Variants in LIMS1 observed in about 807,000 individuals in gnomAD.
LIMS1 encodes the protein LIM and senescent cell antigen-like-containing domain protein 1.
In LIMS1, 18 loss-of-function variants were observed where a neutral mutation model predicts 44.1. The ratio of observed to expected loss-of-function variants is 0.41; its 90% CI spans 0.28 to 0.61. LIMS1 has a LOEUF of 0.61. LIMS1 is among the 20% of genes least tolerant of loss of function. The probability of loss-of-function intolerance (pLI) is 0.32; values close to 1 mark genes in which losing one functional copy is unlikely to be tolerated. For missense variants in LIMS1, 201 were observed against 422.0 expected, an observed-to-expected ratio of 0.48 and a Z score of 4.59; for synonymous variants, 93 against 149.1, an observed-to-expected ratio of 0.62 and a Z score of 2.74.
chr2:108,682,618 A>G (rs2149026895), intron 9 of LIMS1, among the ~76,000 whole-genome samples: 1 of 152,354 alleles, frequency 6.6e-6, no homozygotes, highest in Admixed American at 6.5e-5. Context: ...TTTTGCTCTA[A>G]GATGACCTTG....
chr2:108,632,301 C>T (rs1034334453), intron 1 of LIMS1, among the ~76,000 whole-genome samples: 1 of 152,172 alleles, frequency 6.6e-6, no homozygotes, highest in Non-Finnish European at 1.5e-5. Context: ...TTTGGGAAGC[C>T]ACACATGTTT....
chr2:108,660,392 T>C, intron 2 of LIMS1: 1 of 448,450 alleles, frequency 2.2e-6, no homozygotes, highest in Non-Finnish European at 4.5e-6. Flanking sequence ...GTAGTGTATT[T>C]GGTATTTTCA....
intron 1 of LIMS1, among the ~76,000 whole-genome samples, chr2:108,585,151 A>AC (rs1686047952): frequency 1.9e-5 from 1 of 52,836 alleles, no homozygotes; most frequent in Admixed American, 1.7e-4. Context: ...ACTCCGTCTC[A>AC]AAAAAAAAAA....
Position 108,601,691 on chromosome 2 carries a change from A to G in LIMS1, c.33-57914A>G, listed in dbSNP as rs141113270. Among the ~76,000 whole-genome samples, 670 of 152,212 alleles carry G rather than the reference A, an allele frequency of 4.4e-3. 4 individuals are homozygous for G. The highest frequency in any genetic ancestry group is 0.014 in the South Asian group (68 of 4,820). ...ACACACATGCCTGGCTAATTTTTGT[A>G]TTTTTGGTAGAGACAGGGTTTCGCC... is the stretch of plus-strand genomic sequence containing the variant. On this transcript the variant is annotated intron_variant, in intron 1 of 9. Coordinates refer to ENST00000544547, the Ensembl canonical transcript of LIMS1.
chr2:108,662,218 C>T (rs1215465193), intron 2 of LIMS1: 2 of 1,611,936 alleles, frequency 1.2e-6, no homozygotes, highest in Admixed American at 1.7e-5. Context: ...CCCATTTTGC[C>T]TGTGACTTAG....
chr2:108,664,178 A>G (rs1031471857), intron 2 of LIMS1, among the ~76,000 whole-genome samples: 4 of 152,176 alleles, frequency 2.6e-5, no homozygotes, highest in Non-Finnish European at 4.4e-5. Context: ...CAACCAGCAC[A>G]TCTGTTTATC....
chr2:108,681,076 A>T, intron 9 of LIMS1: 1 of 1,284,596 alleles, frequency 7.8e-7, no homozygotes, highest in Non-Finnish European at 9.8e-7. Context: ...GAAGCAAAGG[A>T]TAAGGACAAG....
rs1684196733 is a variant in LIMS1, at chr2:108,537,946, G to A, written c.32+3352G>A. On this transcript the variant is annotated intron_variant, in intron 1 of 9. Coordinates refer to ENST00000544547, the Ensembl canonical transcript of LIMS1. ...TCTGAAAGCCTCTATTTTCAATAAT[G>A]TTGTGTTTGCTCTTTGGATAATCAT... 2.0e-5 allele frequency among the ~76,000 whole-genome samples: 3 copies of A among 152,018 alleles called. 1 individual carries two copies. In the South Asian group the frequency reaches 6.2e-4, roughly 31 times the overall value.
intron 1 of LIMS1, among the ~76,000 whole-genome samples, chr2:108,650,761 T>C (rs1171982882): frequency 6.6e-6 from 1 of 152,218 alleles, no homozygotes; most frequent in Non-Finnish European, 1.5e-5. Flanking sequence ...CTGTTACAGA[T>C]CCTTATTCAC....
At chr2:108,635,796 T>C (rs956731994) in intron 1 of LIMS1, among the ~76,000 whole-genome samples, 20 of 152,194 alleles carry the variant, frequency 1.3e-4, no homozygotes, top group African/African-American at 4.6e-4. Context: ...CCCCCCCGTC[T>C]GTTCCTAGTT....
At chr2:108,579,214 G>C (rs367686541) in intron 1 of LIMS1, among the ~76,000 whole-genome samples, 4 of 152,202 alleles carry the variant, frequency 2.6e-5, no homozygotes, top group East Asian at 3.9e-4. Context: ...CTGTAGCCCT[G>C]AGATTTGGAC....
chr2:108,551,493 A>ACG (rs1442979599), intron 1 of LIMS1, among the ~76,000 whole-genome samples: 3 of 60,560 alleles, frequency 5.0e-5, no homozygotes, highest in African/African-American at 7.8e-5. Context: ...GCGCGCGCGC[A>ACG]CACACACACA....
chr2:108,627,700 CTATT>C (rs1195157610), intron 1 of LIMS1, among the ~76,000 whole-genome samples: 1 of 152,074 alleles, frequency 6.6e-6, no homozygotes, highest in African/African-American at 2.4e-5. Context: ...GGAAACAGTA[CTATT>C]TATTCTACAT....
At chr2:108,679,731 AC>A (rs1176363083) in intron 8 of LIMS1, among the ~76,000 whole-genome samples, 2 of 147,566 alleles carry the variant, frequency 1.4e-5, no homozygotes, top group Non-Finnish European at 3.0e-5. Context: ...AGCCTGGGCA[AC>A]AGAGCAAGAC....
chr2:108,588,327 A>T, intron 1 of LIMS1: 1 of 985,312 alleles, frequency 1.0e-6, no homozygotes, highest in Admixed American at 6.1e-5. Context: ...AAGACAACAG[A>T]GACAAAGCTA....
chr2:108,614,048 G>C (rs1687802186), intron 1 of LIMS1, among the ~76,000 whole-genome samples: 1 of 152,204 alleles, frequency 6.6e-6, no homozygotes, highest in African/African-American at 2.4e-5. Context: ...GCCTAGGTTA[G>C]ACGCTCACTA....
At chr2:108,633,407 C>T (rs1287441259) in intron 1 of LIMS1, among the ~76,000 whole-genome samples, 1 of 152,182 alleles carries the variant, frequency 6.6e-6, no homozygotes, top group African/African-American at 2.4e-5. Flanking sequence ...GTCATTAGAG[C>T]GTCAGACCTC....
chr2:108,604,905 A>G (rs1323113114), intron 1 of LIMS1, among the ~76,000 whole-genome samples: 1 of 152,214 alleles, frequency 6.6e-6, no homozygotes, highest in South Asian at 2.1e-4. Context: ...TTAATGCCAC[A>G]TAGTTCCTTT....
intron 1 of LIMS1, among the ~76,000 whole-genome samples, chr2:108,627,341 T>G (rs978182540): frequency 6.6e-6 from 1 of 150,932 alleles, no homozygotes; most frequent in Non-Finnish European, 1.5e-5. Flanking sequence ...TGCTTAAAAA[T>G]CAGGTCTGTT....
Sources: allele counts gnomAD v4.1 joint callset (sites outside exome capture counted in the v4.1 genomes callset), GRCh38; gene constraint gnomAD v4.1.1; transcripts MANE v1.5; gene names NCBI Gene and HGNC (gene_info 2026-07-23, HGNC 2026-07-21).